The following PRDM6 variants were observed in gnomAD, a reference collection of about 807,000 sequenced individuals.
PRDM6 encodes the protein PR/SET domain 6.
PRDM6 carries 25 observed loss-of-function variants against 60.8 expected under a neutral mutation model. The observed-to-expected ratio is 0.41, with a 90% confidence interval of 0.30 to 0.57. PRDM6 has a LOEUF of 0.57. PRDM6 is among the 20% of genes least tolerant of loss of function. PRDM6 has a pLI of 0.27. For synonymous variants in PRDM6, 407 were observed against 357.4 expected, an observed-to-expected ratio of 1.14 and a Z score of -1.57; for missense variants, 839 against 821.3, an observed-to-expected ratio of 1.02 and a Z score of -0.26.
intron 2 of PRDM6, among the ~76,000 whole-genome samples, chr5:123,094,182 G>A (rs1459339010): frequency 7.2e-5 from 11 of 152,144 alleles, no homozygotes; most frequent in African/African-American, 4.8e-5. Flanking sequence ...AAGGGGTCAA[G>A]GAAAGAGACA....
chr5:123,145,477 A>G (rs1765218448), intron 3 of PRDM6, among the ~76,000 whole-genome samples: 1 of 152,188 alleles, frequency 6.6e-6, no homozygotes, highest in South Asian at 2.1e-4. Context: ...CGTTACTGTC[A>G]TCACCCTCTA....
At chr5:123,095,242 C>G (rs1300322263) in intron 2 of PRDM6, among the ~76,000 whole-genome samples, 1 of 152,226 alleles carries the variant, frequency 6.6e-6, no homozygotes, top group Non-Finnish European at 1.5e-5. Context: ...TGGGTGGTGT[C>G]GGCGGCCACG....
intron 3 of PRDM6, among the ~76,000 whole-genome samples, chr5:123,134,559 T>C (rs1218585331): frequency 2.0e-5 from 3 of 152,198 alleles, no homozygotes; most frequent in African/African-American, 4.8e-5. Flanking sequence ...TTTTAAATTA[T>C]AGCACACACA....
At position 123,089,449 on chromosome 5, in the gene PRDM6, C is replaced by G. The variant is rs1580467660; in HGVS notation, c.-86C>G. 1 of 156,854 alleles carries G rather than the reference C, an allele frequency of 6.4e-6. No individual in the cohort carries two copies. The highest frequency in any genetic ancestry group is 1.9e-4 in the East Asian group (1 of 5,250). The allele number at this position is 156,854 out of a possible 1,614,324, so 9.7% of individuals were successfully genotyped here. On this transcript the variant is annotated 5_prime_UTR_variant, in exon 1 of 8. Transcript: ENST00000407847. ...TCAGGGGCATGTAGCGCACGCAGGG[C>G]GCACACTCTCGCGCACCCGCACGCT...
At chr5:123,134,147 C>G (rs1764899839) in intron 3 of PRDM6, among the ~76,000 whole-genome samples, 1 of 152,074 alleles carries the variant, frequency 6.6e-6, no homozygotes, top group Non-Finnish European at 1.5e-5. Context: ...TTCTTTTTCT[C>G]TCATAAAAAC....
chr5:123,119,231 G>T (rs545593452), intron 3 of PRDM6, among the ~76,000 whole-genome samples: 1 of 152,222 alleles, frequency 6.6e-6, no homozygotes, highest in East Asian at 1.9e-4. Flanking sequence ...GAAAACTAAG[G>T]AATGCAAATG....
intron 1 of PRDM6, 24 bp from the exon 2 acceptor site, chr5:123,089,976 C>G: frequency 2.0e-6 from 3 of 1,511,554 alleles, no homozygotes; most frequent in Non-Finnish European, 2.7e-6. Context: ...CACGCGCCCC[C>G]TCTTCCCTGC....
chr5:123,177,840 G>C (rs1766051355), intron 6 of PRDM6, among the ~76,000 whole-genome samples: 1 of 152,140 alleles, frequency 6.6e-6, no homozygotes, highest in South Asian at 2.1e-4. Context: ...AGACAGGTCA[G>C]GGAAGTTGAG....
chr5:123,179,033 A>T (rs2126889332), intron 6 of PRDM6, among the ~76,000 whole-genome samples: 1 of 152,310 alleles, frequency 6.6e-6, no homozygotes, highest in Middle Eastern at 3.4e-3. Flanking sequence ...CTGAACAAAA[A>T]TTTTGATAAA....
chr5:123,098,805 C>G (rs1182949738), intron 2 of PRDM6, among the ~76,000 whole-genome samples: 1 of 152,216 alleles, frequency 6.6e-6, no homozygotes, highest in African/African-American at 2.4e-5. Flanking sequence ...ACACCAAACC[C>G]TCCAGAACAG....
At chr5:123,175,485 C>T (rs946757211) in intron 6 of PRDM6, among the ~76,000 whole-genome samples, 2 of 152,214 alleles carry the variant, frequency 1.3e-5, no homozygotes, top group Non-Finnish European at 2.9e-5. Flanking sequence ...TTGTGTCCCA[C>T]TTCTTCCCCA....
intron 5 of PRDM6, among the ~76,000 whole-genome samples, chr5:123,166,017 C>A (rs1420042087): frequency 6.6e-6 from 1 of 152,172 alleles, no homozygotes; most frequent in Non-Finnish European, 1.5e-5. Flanking sequence ...CATCTCTAGA[C>A]TGGCCGTGCC....
intron 3 of PRDM6, among the ~76,000 whole-genome samples, chr5:123,110,532 G>A (rs1302787758): frequency 2.7e-5 from 4 of 147,400 alleles, no homozygotes; most frequent in East Asian, 2.0e-4. Context: ...GATTACAGGC[G>A]TGAGCCACTG....
intron 6 of PRDM6, among the ~76,000 whole-genome samples, chr5:123,177,062 A>G (rs1052651351): frequency 6.6e-6 from 1 of 152,222 alleles, no homozygotes; most frequent in African/African-American, 2.4e-5. Flanking sequence ...TCCTGTGGCC[A>G]GTTGTCCCAA....
chr5:123,093,376 T>C (rs1054486789), intron 2 of PRDM6, among the ~76,000 whole-genome samples: 1 of 152,188 alleles, frequency 6.6e-6, no homozygotes, highest in Non-Finnish European at 1.5e-5. Flanking sequence ...GGAACACTAG[T>C]TTCACCTTGA....
chr5:123,129,767 A>C (rs79645054), intron 3 of PRDM6, among the ~76,000 whole-genome samples: 166 of 152,306 alleles, frequency 1.1e-3, no homozygotes, highest in African/African-American at 3.8e-3. Flanking sequence ...TCATATCATC[A>C]TGTGTCTATA....
chr5:123,166,399 T>TA (rs1329790280), intron 5 of PRDM6, among the ~76,000 whole-genome samples: 1 of 152,238 alleles, frequency 6.6e-6, no homozygotes, highest in Non-Finnish European at 1.5e-5. Context: ...TAACAGCACT[T>TA]ACCACACTTG....
In PRDM6 at chr5:123,141,222, A is replaced by G. The variant is rs1030082128; in HGVS notation, c.901-14662A>G. ...TCCCTTTAAAATATTATTTTAACTT[A>G]AAAAGAAATATGATGTGCTGCAATG... is the stretch of plus-strand genomic sequence containing the variant. On this transcript the variant is annotated intron_variant, in intron 3 of 7. Transcript: ENST00000407847. Among the ~76,000 whole-genome samples, 17 of 152,098 alleles carry G rather than the reference A, an allele frequency of 1.1e-4. No homozygotes were observed. In the South Asian group the frequency reaches 2.9e-3, roughly 26 times the overall value.
At chr5:123,171,360 G>T (rs925102970) in intron 6 of PRDM6, among the ~76,000 whole-genome samples, 4 of 152,206 alleles carry the variant, frequency 2.6e-5, no homozygotes, top group Non-Finnish European at 5.9e-5. Context: ...AAAAGAGAGA[G>T]AAATAGAAGG....
Sources: gnomAD v4.1 joint callset for allele counts (sites outside exome capture counted in the v4.1 genomes callset) on GRCh38, gnomAD v4.1.1 for gene constraint, MANE v1.5 for transcripts, NCBI Gene and HGNC (gene_info 2026-07-23, HGNC 2026-07-21) for gene names.